Variants in PLEK observed in about 807,000 individuals in gnomAD.
The protein encoded by PLEK is platelet 47 kDa protein.
In PLEK, 25 loss-of-function variants were observed where a neutral mutation model predicts 43.9. The ratio of observed to expected loss-of-function variants is 0.57; its 90% CI spans 0.41 to 0.79. PLEK has a LOEUF of 0.79. Among genes scored for constraint, PLEK ranks in the 30% least tolerant of loss-of-function variants. The pLI, the probability that PLEK is intolerant of heterozygous loss-of-function variation, is 0.00. For missense variants in PLEK, 396 were observed against 413.3 expected (o/e 0.96, Z 0.36); for synonymous variants, 152 against 144.4 (o/e 1.05, Z -0.38).
intron 1 of PLEK, among the ~76,000 whole-genome samples, chr2:68,377,637 G>C (rs577720300): frequency 5.3e-5 from 8 of 152,182 alleles, no homozygotes; most frequent in African/African-American, 1.9e-4. Context: ...TTTTCCTCTA[G>C]AGTTGTCTGA....
rs112469861 is a variant in PLEK at position 68,379,925 on chromosome 2, A to G, written c.43-403A>G. 1.2e-4 allele frequency among the ~76,000 whole-genome samples: 18 copies of G among 152,334 alleles called. 1 individual carries two copies. Among genetic ancestry groups the G allele is most frequent in the African/African-American group, 4.1e-4 (17 of 41,576 alleles). ...ATTAAAGAACTACATGAGGAAATAT[A>G]TAACAAAGTTCCAGGTTGTATGGCA... On this transcript the variant is annotated intron_variant, in intron 1 of 8. Transcript: ENST00000234313.
At chr2:68,386,265 T>A (rs1176218968) in intron 4 of PLEK, among the ~76,000 whole-genome samples, 1 of 152,110 alleles carries the variant, frequency 6.6e-6, no homozygotes, top group Non-Finnish European at 1.5e-5. Context: ...TACCTGGTCA[T>A]GTGTTTCTTC....
At position 68,382,506 on chromosome 2, in the gene PLEK, G is replaced by T. The variant is rs548223054; in HGVS notation, c.381-36G>T. 375 of 1,192,394 alleles carry T rather than the reference G, an allele frequency of 3.1e-4. 1 individual carries two copies. Among genetic ancestry groups the T allele is most frequent in the East Asian group, 1.4e-3 (58 of 40,824 alleles). 73.9% of individuals were successfully genotyped at this position (1,192,394 alleles called of 1,614,324 possible). A position where few individuals can be genotyped will look rare whatever the true frequency, so the allele number is the denominator to read the frequency against. On this transcript the variant is annotated intron_variant, in intron 3 of 8. Coordinates refer to ENST00000234313, the MANE Select transcript of PLEK (RefSeq NM_002664.3). ...CACTCATCCAACTGGGTTTTTTTTT[G>T]TTTGTTTGTTTGTTTGCTTTTTTAT...
At chr2:68,377,386 A>G (rs576431590) in intron 1 of PLEK, among the ~76,000 whole-genome samples, 101 of 152,320 alleles carry the variant, frequency 6.6e-4, no homozygotes, top group African/African-American at 2.2e-3. Context: ...CATTCCCACC[A>G]ACAGTGTACA....
chr2:68,365,436 C>G (rs1281871222), intron 1 of PLEK, 43 bp downstream of exon 1: 6 of 1,518,070 alleles, frequency 4.0e-6, no homozygotes, highest in African/African-American at 1.4e-5. Context: ...TGGACATGGG[C>G]TGGGGAGACT....
chr2:68,389,519 A>G (rs534580595), intron 6 of PLEK, among the ~76,000 whole-genome samples: 23 of 152,324 alleles, frequency 1.5e-4, no homozygotes, highest in Non-Finnish European at 2.1e-4. Flanking sequence ...AGAAGAGCCC[A>G]TATTTACATT....
chr2:68,379,282 T>C (rs1673564856), intron 1 of PLEK, among the ~76,000 whole-genome samples: 1 of 152,226 alleles, frequency 6.6e-6, no homozygotes, highest in African/African-American at 2.4e-5. Context: ...CTTTTATTTA[T>C]ATGTGTCTTC....
intron 3 of PLEK, 112 bp from the exon 4 acceptor site, chr2:68,382,430 G>A: frequency 1.6e-6 from 1 of 642,408 alleles, no homozygotes; most frequent in Non-Finnish European, 2.7e-6. Flanking sequence ...CCTGGGGTGG[G>A]GGAGCTTGTG....
At chr2:68,392,026 C>A (rs1033129609) in intron 6 of PLEK, among the ~76,000 whole-genome samples, 1 of 152,190 alleles carries the variant, frequency 6.6e-6, no homozygotes, top group Non-Finnish European at 1.5e-5. Flanking sequence ...AAGCAAGACA[C>A]AAATCCTGCC....
intron 1 of PLEK, among the ~76,000 whole-genome samples, chr2:68,376,878 G>T (rs1461500148): frequency 6.6e-6 from 1 of 151,986 alleles, no homozygotes; most frequent in Non-Finnish European, 1.5e-5. Flanking sequence ...CTGTTTTCTT[G>T]TTTTTGGTAC....
intron 8 of PLEK, 62 bp downstream of exon 8, chr2:68,394,238 A>G (rs1673914862): frequency 4.4e-6 from 4 of 918,486 alleles, no homozygotes; most frequent in Non-Finnish European, 7.3e-6. Context: ...ACACCTGGAC[A>G]TCCTGGGCCA....
In PLEK at chr2:68,373,189, T is replaced by TAGTGGTGAA. The variant is rs796704292; in HGVS notation, c.43-7138_43-7130dup. 3.2e-4 allele frequency among the ~76,000 whole-genome samples: 49 copies of TAGTGGTGAA among 152,188 alleles called. 1 individual carries two copies. Among genetic ancestry groups the TAGTGGTGAA allele is most frequent in the African/African-American group, 1.1e-3 (47 of 41,514 alleles). On this transcript the variant is annotated intron_variant, in intron 1 of 8. Coordinates refer to ENST00000234313, the MANE Select transcript of PLEK (RefSeq NM_002664.3). ...CCGAGTGAGAAACTGGTAGCTGCAG[T>TAGTGGTGAA]AGTGGTGAAGAGGAGAGAAAAACCT...
At chr2:68,394,620 C>A (rs534162730) in intron 8 of PLEK, among the ~76,000 whole-genome samples, 5 of 152,292 alleles carry the variant, frequency 3.3e-5, no homozygotes, top group African/African-American at 1.2e-4. Flanking sequence ...TGTCCAGGCT[C>A]TCCAGGCCTT....
chr2:68,390,492 G>A (rs1573080979), intron 6 of PLEK, among the ~76,000 whole-genome samples: 1 of 152,050 alleles, frequency 6.6e-6, no homozygotes, highest in African/African-American at 2.4e-5. Context: ...CAGGAATTTT[G>A]TTCTTTTACA....
At chr2:68,384,323 A>T (rs1673695093) in intron 4 of PLEK, among the ~76,000 whole-genome samples, 1 of 151,942 alleles carries the variant, frequency 6.6e-6, no homozygotes, top group South Asian at 2.1e-4. Flanking sequence ...CCCGGGTTCA[A>T]GCGTGATTCT....
chr2:68,368,758 G>C (rs1228091449), intron 1 of PLEK, among the ~76,000 whole-genome samples: 2 of 152,200 alleles, frequency 1.3e-5, no homozygotes, highest in Non-Finnish European at 2.9e-5. Flanking sequence ...ACTCCTCCAA[G>C]TCATGTCTCA....
At chr2:68,380,593 C>A in intron 2 of PLEK, 110 bp downstream of exon 2, 2 of 1,384,352 alleles carry the variant, frequency 1.4e-6, no homozygotes, top group Non-Finnish European at 2.0e-6. Flanking sequence ...CTCTCACCAC[C>A]ACCCACACCC....
intron 1 of PLEK, among the ~76,000 whole-genome samples, chr2:68,374,773 G>A (rs79345304): frequency 0.051 from 7,714 of 152,146 alleles, 256 homozygotes; most frequent in Non-Finnish European, 0.076. Context: ...CACATGTTTT[G>A]CCTGTTTGCT....
Position 68,365,620 on chromosome 2 carries a change from C to T in PLEK, c.42+227C>T, listed in dbSNP as rs542663667. ...TTTGATATTACGGGTCTGAGAATTC[C>T]AGATGGCAGGGCCTGGAAGGTGGGG... is the stretch of plus-strand genomic sequence containing the variant. On this transcript the variant is annotated intron_variant, in intron 1 of 8. Transcript: ENST00000234313. 109 of 491,390 alleles carry T rather than the reference C, an allele frequency of 2.2e-4. 1 individual carries two copies. The highest frequency in any genetic ancestry group is 2.2e-3 in the South Asian group (104 of 47,862). The allele number at this position is 491,390 out of a possible 1,614,324, so 30.4% of individuals were successfully genotyped here.
Sources: gnomAD v4.1 joint callset for allele counts (sites outside exome capture counted in the v4.1 genomes callset) on GRCh38, gnomAD v4.1.1 for gene constraint, MANE v1.5 for transcripts, NCBI Gene and HGNC (gene_info 2026-07-23, HGNC 2026-07-21) for gene names.